Variants in EXOC4 observed in about 807,000 individuals in gnomAD.
EXOC4 encodes exocyst complex component 4, also known as SEC8-like 1.
A neutral mutation model predicts 107.2 loss-of-function variants in EXOC4; 71 were observed. The ratio of observed to expected loss-of-function variants is 0.66; its 90% confidence interval spans 0.55 to 0.81. EXOC4 has a LOEUF of 0.81. Among genes scored for constraint, EXOC4 ranks in the 30% least tolerant of loss-of-function variants. EXOC4 has a pLI of 0.00. For synonymous variants in EXOC4, 456 were observed against 441.2 expected (o/e 1.03, Z -0.42); for missense variants, 1,108 against 1,189.6 (o/e 0.93, Z 1.01).
intron 9 of EXOC4, among the ~76,000 whole-genome samples, chr7:133,569,776 AT>A (rs1284561030): frequency 6.6e-6 from 1 of 152,180 alleles, no homozygotes; most frequent in Non-Finnish European, 1.5e-5. Context: ...GAAGATGAAT[AT>A]TATTCTTTTC....
chr7:133,873,673 T>TACCA (rs1798793356), intron 11 of EXOC4, among the ~76,000 whole-genome samples: 1 of 152,176 alleles, frequency 6.6e-6, no homozygotes, highest in South Asian at 2.1e-4. Flanking sequence ...TCTAACTTGA[T>TACCA]AAAATGAAAA....
chr7:133,564,128 G>A (rs566541527), intron 9 of EXOC4, among the ~76,000 whole-genome samples: 2 of 152,304 alleles, frequency 1.3e-5, no homozygotes, highest in African/African-American at 4.8e-5. Context: ...ACATGAGACT[G>A]TGTGATTTAT....
chr7:133,645,913 T>C (rs1425982387), intron 10 of EXOC4, among the ~76,000 whole-genome samples: 1 of 152,218 alleles, frequency 6.6e-6, no homozygotes, highest in East Asian at 1.9e-4. Flanking sequence ...AGAAGGTCTT[T>C]TGTTTTGCAA....
rs138241375 is a variant in EXOC4 at position 133,325,275 on chromosome 7, C to A, written c.763+7885C>A. Among the ~76,000 whole-genome samples, 501 of 152,284 alleles carry A rather than the reference C, an allele frequency of 3.3e-3. 1 individual carries two copies. Among genetic ancestry groups the A allele is most frequent in the Non-Finnish European group, 4.7e-3 (319 of 68,024 alleles). On this transcript the variant is annotated intron_variant, in intron 5 of 17. Transcript: ENST00000253861. The stretch of plus-strand genomic sequence containing the variant: ...ATTATGATGTTAGCTGGTTATTTTG[C>A]TTGTTAGTTGATGCAGTTGCTTCCT...
chr7:134,071,879 C>T, the EXOC4 span, among the ~76,000 whole-genome samples: 2 of 152,138 alleles, frequency 1.3e-5, no homozygotes, highest in Non-Finnish European at 2.9e-5. Flanking sequence ...CAGGGACTCT[C>T]ACATGCTATA....
intron 12 of EXOC4, among the ~76,000 whole-genome samples, chr7:133,912,755 C>T (rs555913870): frequency 1.3e-5 from 2 of 152,150 alleles, no homozygotes; most frequent in East Asian, 3.9e-4. Flanking sequence ...TTCCAGCTTG[C>T]AAAAAAGTGT....
chr7:133,798,547 A>G (rs1796864147), intron 10 of EXOC4, among the ~76,000 whole-genome samples: 1 of 152,224 alleles, frequency 6.6e-6, no homozygotes, highest in Non-Finnish European at 1.5e-5. Context: ...CTACTGCAAT[A>G]CATACATCAC....
At chr7:133,295,115 T>C (rs1258290234) in intron 3 of EXOC4, among the ~76,000 whole-genome samples, 1 of 152,118 alleles carries the variant, frequency 6.6e-6, no homozygotes, top group Non-Finnish European at 1.5e-5. Flanking sequence ...TGCTTCCATG[T>C]TATAATCTCA....
At chr7:133,356,242 A>G (rs1257158490) in intron 5 of EXOC4, 88 bp from the exon 6 acceptor site, 8 of 1,290,104 alleles carry the variant, frequency 6.2e-6, no homozygotes, top group Non-Finnish European at 8.7e-6. Flanking sequence ...GAGAGTAATC[A>G]AGGCAGTGAT....
At chr7:134,036,592 G>GA (rs912098768) in intron 17 of EXOC4, among the ~76,000 whole-genome samples, 11 of 151,076 alleles carry the variant, frequency 7.3e-5, no homozygotes, top group African/African-American at 1.7e-4. Context: ...TGTCTCAAAA[G>GA]AAAAAAAAGA....
intron 7 of EXOC4, among the ~76,000 whole-genome samples, chr7:133,454,909 A>C (rs1461056544): frequency 6.6e-6 from 1 of 152,060 alleles, no homozygotes; most frequent in Non-Finnish European, 1.5e-5. Context: ...GACAAGCCTG[A>C]GCAACGTGGT....
At chr7:133,521,896 G>A (rs548562662) in intron 9 of EXOC4, among the ~76,000 whole-genome samples, 3 of 152,156 alleles carry the variant, frequency 2.0e-5, no homozygotes, top group Non-Finnish European at 2.9e-5. Flanking sequence ...TGGGATTACA[G>A]GTGTGAGCCA....
At chr7:133,710,213 A>T (rs1045154196) in intron 10 of EXOC4, among the ~76,000 whole-genome samples, 2 of 152,142 alleles carry the variant, frequency 1.3e-5, no homozygotes, top group Admixed American at 1.3e-4. Context: ...CCTTGGAGAT[A>T]TGCTGTCTCC....
At chr7:133,697,141 A>ACT (rs1794553442) in intron 10 of EXOC4, among the ~76,000 whole-genome samples, 1 of 152,192 alleles carries the variant, frequency 6.6e-6, no homozygotes, top group Non-Finnish European at 1.5e-5. Context: ...TGTTTTAAAA[A>ACT]AGCTCTCATA....
intron 10 of EXOC4, among the ~76,000 whole-genome samples, chr7:133,658,638 T>TTC (rs1381365931): frequency 6.6e-6 from 1 of 152,160 alleles, no homozygotes; most frequent in African/African-American, 2.4e-5. Flanking sequence ...AGATTTATTA[T>TTC]GATAGTGAAG....
chr7:133,560,751 G>A (rs564252354), intron 9 of EXOC4, among the ~76,000 whole-genome samples: 51 of 152,176 alleles, frequency 3.4e-4, no homozygotes, highest in Non-Finnish European at 6.0e-4. Flanking sequence ...AAGCAAAGAT[G>A]AGTAAAAGAA....
intron 15 of EXOC4, among the ~76,000 whole-genome samples, chr7:133,998,585 G>A (rs534460682): frequency 1.3e-5 from 2 of 152,130 alleles, no homozygotes; most frequent in Non-Finnish European, 2.9e-5. Flanking sequence ...GCTGGGTGGG[G>A]AGGACTGAAA....
At chr7:133,933,202 G>A (rs1169577219) in intron 13 of EXOC4, among the ~76,000 whole-genome samples, 1 of 152,122 alleles carries the variant, frequency 6.6e-6, no homozygotes, top group Non-Finnish European at 1.5e-5. Flanking sequence ...GTAAAATTAA[G>A]TTAAATAGGT....
intron 11 of EXOC4, among the ~76,000 whole-genome samples, chr7:133,875,656 T>C (rs953914920): frequency 1.3e-5 from 2 of 152,182 alleles, no homozygotes; most frequent in African/African-American, 4.8e-5. Flanking sequence ...GCTGAGTTAC[T>C]TCACACCTTT....
Sources: gnomAD v4.1 joint callset for allele counts (sites outside exome capture counted in the v4.1 genomes callset) on GRCh38, gnomAD v4.1.1 for gene constraint, MANE v1.5 for transcripts, NCBI Gene and HGNC (gene_info 2026-07-23, HGNC 2026-07-21) for gene names.